The following SNAP91 variants were observed in gnomAD, a reference collection of about 807,000 sequenced individuals.
SNAP91 encodes the protein synaptosome associated protein 91.
A neutral mutation model predicts 100.3 loss-of-function variants in SNAP91; 27 were observed. The observed-to-expected ratio is 0.27, with a 90% confidence interval of 0.20 to 0.37. The LOEUF is 0.37. Ranked by LOEUF, SNAP91 falls within the 10% of genes least tolerant of loss-of-function variation. The pLI is 1.00. For synonymous variants in SNAP91, 404 were observed against 398.6 expected (o/e 1.01, Z -0.16); for missense variants, 986 against 1,123.7 (o/e 0.88, Z 1.75).
At chr6:83,632,796 A>G (rs544341407) in intron 8 of SNAP91, among the ~76,000 whole-genome samples, 91 of 152,044 alleles carry the variant, frequency 6.0e-4, no homozygotes, top group African/African-American at 2.1e-3. Context: ...TTCTTGTATC[A>G]TTTTTTGGAT....
At chr6:83,685,181 C>T (rs142878345) in intron 2 of SNAP91, among the ~76,000 whole-genome samples, 7 of 152,280 alleles carry the variant, frequency 4.6e-5, no homozygotes, top group Admixed American at 2.0e-4. Flanking sequence ...CATGTTAACA[C>T]AGTTGCCAGG....
chr6:83,560,908 C>A lies in SNAP91; in HGVS notation c.2482G>T (p.Ala828Ser), dbSNP rs746752663. 1.9e-6 allele frequency: 3 copies of A among 1,613,708 alleles called. No homozygotes were observed. Among genetic ancestry groups the A allele is most frequent in the Admixed American group, 3.3e-5 (2 of 59,952 alleles). Residue 828 changes from alanine to serine, a missense_variant, in exon 27 of 30, where the codon GCC becomes TCC. Transcript: ENST00000369694. ...GGTTGTCCAACCGATGGGGCCCCGG[C>A]AACAGGAGGAACTGAACTGGTTGGA... is the stretch of plus-strand genomic sequence containing the variant. The part of the protein sequence containing the change: ...VPPTSSVPPV[A>S]GAPSVGQPGA...
chr6:83,614,781 A>C (rs2096378962), intron 11 of SNAP91, 76 bp downstream of exon 11: 16 of 1,056,188 alleles, frequency 1.5e-5, no homozygotes, highest in Non-Finnish European at 2.2e-5. Context: ...TAAATACCAA[A>C]TGTGGAATCT....
intron 2 of SNAP91, among the ~76,000 whole-genome samples, chr6:83,697,001 T>C (rs1468654400): frequency 6.6e-6 from 1 of 152,146 alleles, no homozygotes; most frequent in Non-Finnish European, 1.5e-5. Flanking sequence ...TCATTAAAAA[T>C]AAAATTAAAT....
intron 26 of SNAP91, among the ~76,000 whole-genome samples, chr6:83,568,750 A>G (rs1314233179): frequency 6.6e-6 from 1 of 152,212 alleles, no homozygotes; most frequent in Admixed American, 6.5e-5. Context: ...TTATCTATCA[A>G]TAAAAACTTT....
chr6:83,623,641 C>T (rs1159196700), intron 8 of SNAP91, among the ~76,000 whole-genome samples: 1 of 152,066 alleles, frequency 6.6e-6, no homozygotes, highest in African/African-American at 2.4e-5. Flanking sequence ...AACAGAAGCT[C>T]AAAATGTAAA....
At chr6:83,592,113 G>A (rs533683502) in intron 21 of SNAP91, among the ~76,000 whole-genome samples, 10 of 152,234 alleles carry the variant, frequency 6.6e-5, no homozygotes, top group South Asian at 6.2e-4. Flanking sequence ...TAAGAACTTA[G>A]AGATGTTGAT....
chr6:83,601,134 T>C, intron 16 of SNAP91, 137 bp downstream of exon 16: 1 of 704,634 alleles, frequency 1.4e-6, no homozygotes, highest in Non-Finnish European at 2.3e-6. Context: ...TGAAGATAAA[T>C]ATACATGAAT....
chr6:83,571,637 G>A (rs866276965), intron 26 of SNAP91, among the ~76,000 whole-genome samples: 2 of 152,288 alleles, frequency 1.3e-5, no homozygotes, highest in African/African-American at 4.8e-5. Context: ...AGGCTCATAG[G>A]TGAAAGAGAC....
intron 8 of SNAP91, among the ~76,000 whole-genome samples, chr6:83,624,407 A>G (rs972824533): frequency 6.6e-6 from 1 of 152,164 alleles, no homozygotes; most frequent in African/African-American, 2.4e-5. Context: ...TATCTCCTTG[A>G]GAAATGAAGA....
At chr6:83,556,116 C>T (rs570511057) in intron 29 of SNAP91, 27 bp downstream of exon 29, 31 of 1,296,314 alleles carry the variant, frequency 2.4e-5, no homozygotes, top group Non-Finnish European at 3.3e-5. Flanking sequence ...TATTACAAGC[C>T]TACAGGAAAA....
Position 83,553,596 on chromosome 6 carries a change from T to C in SNAP91, c.*700A>G, listed in dbSNP as rs1773830020. 6.6e-6 allele frequency: 1 copy of C among 152,028 alleles called. No individual in the cohort carries two copies. The highest frequency in any genetic ancestry group is 6.6e-5 in the Admixed American group (1 of 15,248). 9.4% of individuals were successfully genotyped at this position (152,028 alleles called of 1,614,324 possible). A position where few individuals can be genotyped will look rare whatever the true frequency, so the allele number is the denominator to read the frequency against. On this transcript the variant is annotated 3_prime_UTR_variant, in exon 30 of 30. Transcript: ENST00000369694. Reference sequence around the variant, plus strand: ...CTGTCAAATATAATTAAAATATATATATTTTAATATAGCAGTGATAAATAG... The same window carrying C: ...CTGTCAAATATAATTAAAATATATACATTTTAATATAGCAGTGATAAATAG...
intron 16 of SNAP91, among the ~76,000 whole-genome samples, chr6:83,597,578 A>G (rs994910617): frequency 2.6e-5 from 4 of 152,126 alleles, no homozygotes; most frequent in African/African-American, 9.7e-5. Flanking sequence ...CTTAATCCAT[A>G]AACTGAGCTG....
At chr6:83,599,743 G>A (rs887503476) in intron 16 of SNAP91, among the ~76,000 whole-genome samples, 1 of 152,098 alleles carries the variant, frequency 6.6e-6, no homozygotes, top group African/African-American at 2.4e-5. Context: ...AAGGATATAG[G>A]GGCATAAATG....
chr6:83,686,379 G>A (rs2099060782), intron 2 of SNAP91, among the ~76,000 whole-genome samples: 1 of 152,158 alleles, frequency 6.6e-6, no homozygotes, highest in South Asian at 2.1e-4. Flanking sequence ...AGAGTTACTG[G>A]CTACAGAGGT....
At chr6:83,610,794 C>T (rs1216310648) in intron 11 of SNAP91, 117 bp from the exon 12 acceptor site, 2 of 214,144 alleles carry the variant, frequency 9.3e-6, no homozygotes, top group African/African-American at 5.1e-5. Flanking sequence ...TTGGATTTCA[C>T]TTGGTCAAGC....
chr6:83,580,012 GC>G (rs1285878699), intron 24 of SNAP91, among the ~76,000 whole-genome samples: 1 of 152,092 alleles, frequency 6.6e-6, no homozygotes, highest in Admixed American at 6.5e-5. Flanking sequence ...TATCTCTAGA[GC>G]CTGGAAGAAT....
At chr6:83,625,413 G>C (rs1460329555) in intron 8 of SNAP91, among the ~76,000 whole-genome samples, 2 of 152,064 alleles carry the variant, frequency 1.3e-5, no homozygotes, top group Admixed American at 1.3e-4. Flanking sequence ...TCAGTAATGG[G>C]ACTACTCAGT....
At chr6:83,639,253 A>T (rs1202961576) in intron 8 of SNAP91, among the ~76,000 whole-genome samples, 34 of 152,184 alleles carry the variant, frequency 2.2e-4, no homozygotes. Flanking sequence ...AGTACTATAC[A>T]GTAGAGAGAG....
Sources: gnomAD v4.1 joint callset for allele counts (sites outside exome capture counted in the v4.1 genomes callset) on GRCh38, gnomAD v4.1.1 for gene constraint, MANE v1.5 for transcripts, NCBI Gene and HGNC (gene_info 2026-07-23, HGNC 2026-07-21) for gene names.